Variants in GPR107 observed in about 807,000 individuals in gnomAD.
GPR107 encodes protein GPR107.
Under a neutral mutation model 75.5 loss-of-function variants are expected in GPR107, and 31 were observed. The ratio of observed to expected loss-of-function variants is 0.41; its 90% CI spans 0.31 to 0.55. GPR107 has a LOEUF of 0.55. Among genes scored for constraint, GPR107 ranks in the 20% least tolerant of loss-of-function variants. GPR107 has a pLI of 0.26. For missense variants in GPR107, 572 were observed against 665.7 expected (o/e 0.86, Z 1.55); for synonymous variants, 267 against 251.3 (o/e 1.06, Z -0.59).
At chr9:130,130,900 A>C (rs1211926361) in intron 17 of GPR107, among the ~76,000 whole-genome samples, 2 of 148,146 alleles carry the variant, frequency 1.4e-5, no homozygotes, top group Non-Finnish European at 3.0e-5. Context: ...AAAACGCATG[A>C]ATCCGTGGAC....
chr9:130,096,999 G>A (rs1007994824), intron 9 of GPR107, among the ~76,000 whole-genome samples: 1 of 152,018 alleles, frequency 6.6e-6, no homozygotes, highest in African/African-American at 2.4e-5. Context: ...ATAGACACAC[G>A]CCTGGACTGC....
intron 1 of GPR107, among the ~76,000 whole-genome samples, chr9:130,058,487 C>T (rs1200161868): frequency 4.7e-5 from 7 of 149,774 alleles, no homozygotes; most frequent in Admixed American, 6.7e-5. Context: ...TTTTTTTAGA[C>T]GGAGTCTCGG....
At chr9:130,062,644 G>GCCTT (rs1293133081) in intron 1 of GPR107, among the ~76,000 whole-genome samples, 23 of 70,958 alleles carry the variant, frequency 3.2e-4, no homozygotes, top group Admixed American at 1.3e-3. Context: ...CTGCCTGCCT[G>GCCTT]CCTGCCTGCC....
intron 10 of GPR107, among the ~76,000 whole-genome samples, chr9:130,100,020 G>A (rs1011710347): frequency 1.3e-5 from 2 of 151,142 alleles, no homozygotes; most frequent in African/African-American, 2.4e-5. Flanking sequence ...TGAGTCTCCC[G>A]AGTAGCTGGG....
intron 3 of GPR107, 21 bp from the exon 4 acceptor site, chr9:130,077,278 A>G: frequency 8.0e-7 from 1 of 1,249,462 alleles, no homozygotes; most frequent in South Asian, 1.2e-5. Flanking sequence ...GATGATGTAC[A>G]ATTGGCTCTT....
Position 130,101,295 on chromosome 9 carries a change from G to A in GPR107, c.1131+72G>A, listed in dbSNP as rs927915927. 14 of 822,048 alleles carry A rather than the reference G, an allele frequency of 1.7e-5. No homozygotes were observed. In the East Asian group the frequency reaches 3.4e-4, roughly 20 times the overall value. 50.9% of individuals were successfully genotyped at this position (822,048 alleles called of 1,614,324 possible). On this transcript the variant is annotated intron_variant, in intron 12 of 17. Transcript: ENST00000347136. ...GCAGGGCTCAGCTCCAAGCCTGTAT[G>A]GGAAGAGGGAGTCACCTCACCCTGA...
intron 14 of GPR107, among the ~76,000 whole-genome samples, chr9:130,114,283 T>G (rs1189181889): frequency 6.6e-6 from 1 of 151,968 alleles, no homozygotes; most frequent in African/African-American, 2.4e-5. Context: ...GTAGAAGGAT[T>G]GCTTGAACCC....
chr9:130,115,278 T>C (rs1403079181), intron 14 of GPR107, among the ~76,000 whole-genome samples: 2 of 152,150 alleles, frequency 1.3e-5, no homozygotes, highest in Non-Finnish European at 2.9e-5. Flanking sequence ...TAAATCATCT[T>C]ATTACCCTTC....
At chr9:130,078,164 CAAA>C (rs201310482) in intron 4 of GPR107, among the ~76,000 whole-genome samples, 1 of 98,662 alleles carries the variant, frequency 1.0e-5, no homozygotes, top group African/African-American at 3.8e-5. Context: ...GACTCCGTCT[CAAA>C]AAAAAAAAAA....
Position 130,135,110 on chromosome 9 carries a change from G to A in GPR107, c.1648G>A (p.Gly550Ser), listed in dbSNP as rs1831919987. ...CGTGGAGCCCCAGGGCGAGTGGGAA[G>A]GCGCCGTGTGACAGAGCCGACCCTG... ...GSVEPQGEWE[G>S]AV Residue 550 changes from glycine (G) to serine (S), a missense_variant, in exon 18 of 18, where the codon GGC becomes AGC. Gly to Ser is a moderately conservative substitution (Grantham distance 56). Transcript: ENST00000347136. 1.3e-6 allele frequency: 2 copies of A among 1,597,594 alleles called. No homozygotes were observed. The highest frequency in any genetic ancestry group is 1.3e-5 in the African/African-American group (1 of 74,612).
At chr9:130,063,357 A>T (rs534057163) in intron 1 of GPR107, among the ~76,000 whole-genome samples, 48 of 152,118 alleles carry the variant, frequency 3.2e-4, no homozygotes, top group African/African-American at 1.0e-3. Flanking sequence ...CATCCGGCAA[A>T]TTTTTTGTAT....
At chr9:130,095,454 G>A (rs1438377208) in intron 9 of GPR107, among the ~76,000 whole-genome samples, 1 of 152,094 alleles carries the variant, frequency 6.6e-6, no homozygotes, top group African/African-American at 2.4e-5. Context: ...GAGTGCAGTG[G>A]TGCAATCTTG....
At chr9:130,068,599 CTA>C (rs1191912687) in intron 1 of GPR107, among the ~76,000 whole-genome samples, 1 of 152,074 alleles carries the variant, frequency 6.6e-6, no homozygotes, top group Non-Finnish European at 1.5e-5. Context: ...TATCATTACT[CTA>C]TTTTTTTTAT....
chr9:130,111,418 G>GC (rs149468045), intron 14 of GPR107, among the ~76,000 whole-genome samples: 2,461 of 152,230 alleles, frequency 0.016, 27 homozygotes, highest in East Asian at 0.027. Context: ...TGTAGTCCCA[G>GC]CTACTTGGGA....
chr9:130,100,173 G>T (rs141456393), intron 10 of GPR107, among the ~76,000 whole-genome samples: 3,334 of 152,182 alleles, frequency 0.022, 52 homozygotes, highest in Middle Eastern at 0.034. Flanking sequence ...GGGATTACAG[G>T]CATGAGCCAC....
chr9:130,106,337 G>T (rs766865432), intron 13 of GPR107, among the ~76,000 whole-genome samples: 1 of 151,966 alleles, frequency 6.6e-6, no homozygotes, highest in African/African-American at 2.4e-5. Context: ...GGTGGTTCAC[G>T]CCTGTAATCC....
chr9:130,119,259 G>A (rs1042863543), intron 14 of GPR107, among the ~76,000 whole-genome samples: 7 of 152,212 alleles, frequency 4.6e-5, no homozygotes, highest in African/African-American at 1.4e-4. Flanking sequence ...AGCGCTGCTT[G>A]CAGGAGAGCC....
intron 15 of GPR107, 93 bp from the exon 16 acceptor site, chr9:130,127,388 TTC>T (rs1312350595): frequency 2.8e-6 from 2 of 724,384 alleles, no homozygotes; most frequent in African/African-American, 1.7e-5. Flanking sequence ...TGATTCTGTT[TTC>T]TGTTTCCTAG....
At chr9:130,107,156 AG>A (rs1461645901) in intron 13 of GPR107, among the ~76,000 whole-genome samples, 2 of 152,164 alleles carry the variant, frequency 1.3e-5, no homozygotes, top group Non-Finnish European at 1.5e-5. Flanking sequence ...AGGTGAGCCC[AG>A]TGATGCTCCA....
Sources: gnomAD v4.1 joint callset for allele counts (sites outside exome capture counted in the v4.1 genomes callset) on GRCh38, gnomAD v4.1.1 for gene constraint, MANE v1.5 for transcripts, NCBI Gene and HGNC (gene_info 2026-07-23, HGNC 2026-07-21) for gene names.